Variants in DLG2 observed in about 807,000 individuals in gnomAD.
The protein encoded by DLG2 is disks large homolog 2.
In DLG2, 45 loss-of-function variants were observed where a neutral mutation model predicts 132.5. The observed-to-expected ratio is 0.34, with a 90% confidence interval of 0.27 to 0.44. DLG2 has a LOEUF of 0.44. Among genes scored for constraint, DLG2 ranks in the 20% least tolerant of loss-of-function variants. DLG2 has a pLI of 1.00. For missense variants in DLG2, 1,045 were observed against 1,196.9 expected (o/e 0.87, Z 1.87); for synonymous variants, 424 against 419.6 (o/e 1.01, Z -0.13).
intron 6 of DLG2, among the ~76,000 whole-genome samples, chr11:84,862,673 C>G (rs1358068431): frequency 6.6e-6 from 1 of 151,952 alleles, no homozygotes; most frequent in African/African-American, 2.4e-5. Context: ...TTTGCAGGGA[C>G]CTGGATGAAG....
chr11:85,137,585 C>T (rs1460300253), intron 5 of DLG2, among the ~76,000 whole-genome samples: 1 of 152,104 alleles, frequency 6.6e-6, no homozygotes, highest in African/African-American at 2.4e-5. Flanking sequence ...CTATAAACAA[C>T]CTGTGATCCT....
chr11:85,528,897 C>T (rs1565640123), intron 3 of DLG2, among the ~76,000 whole-genome samples: 1 of 152,136 alleles, frequency 6.6e-6, no homozygotes, highest in Non-Finnish European at 1.5e-5. Context: ...AAGGGAAATA[C>T]AGAGGTGTGC....
chr11:85,194,033 T>C (rs1360986733), intron 4 of DLG2, among the ~76,000 whole-genome samples: 1 of 152,226 alleles, frequency 6.6e-6, no homozygotes, highest in Non-Finnish European at 1.5e-5. Context: ...CAGAATGCAC[T>C]TTAGCAGTGG....
At chr11:84,489,976 G>T (rs2099160578) in intron 7 of DLG2, among the ~76,000 whole-genome samples, 3 of 151,840 alleles carry the variant, frequency 2.0e-5, no homozygotes, top group Admixed American at 2.0e-4. Flanking sequence ...AGTACCAAAA[G>T]AAAAATAGAA....
chr11:84,735,232 C>T (rs1158182495), intron 6 of DLG2, among the ~76,000 whole-genome samples: 1 of 152,084 alleles, frequency 6.6e-6, no homozygotes, highest in Non-Finnish European at 1.5e-5. Flanking sequence ...CCTCCTTGTA[C>T]CTCTGGTAGA....
intron 3 of DLG2, among the ~76,000 whole-genome samples, chr11:85,300,971 C>A (rs138968368): frequency 6.6e-6 from 1 of 151,998 alleles, no homozygotes; most frequent in South Asian, 2.1e-4. Flanking sequence ...TAGGCAGAGG[C>A]GGGAGGATCA....
chr11:84,606,359 G>C (rs2099585680), intron 6 of DLG2, among the ~76,000 whole-genome samples: 1 of 152,000 alleles, frequency 6.6e-6, no homozygotes, highest in Non-Finnish European at 1.5e-5. Flanking sequence ...GTGTGTCACT[G>C]TTATGCAAAA....
chr11:84,883,667 C>T (rs764973747), intron 6 of DLG2, among the ~76,000 whole-genome samples: 1 of 152,042 alleles, frequency 6.6e-6, no homozygotes, highest in Non-Finnish European at 1.5e-5. Flanking sequence ...ACCATCATTG[C>T]TAAAATATTC....
chr11:84,885,945 A>C (rs1428441081), intron 6 of DLG2, among the ~76,000 whole-genome samples: 2 of 152,112 alleles, frequency 1.3e-5, no homozygotes, highest in Admixed American at 1.3e-4. Context: ...TAAGCTCCAC[A>C]AATGTTTATT....
At chr11:85,424,937 T>A (rs551052558) in intron 3 of DLG2, among the ~76,000 whole-genome samples, 4 of 152,296 alleles carry the variant, frequency 2.6e-5, no homozygotes, top group African/African-American at 7.2e-5. Context: ...ACCCTATCTA[T>A]GGTATTCTGT....
chr11:84,033,242 A>C (rs1341886987), intron 11 of DLG2, among the ~76,000 whole-genome samples: 1 of 152,210 alleles, frequency 6.6e-6, no homozygotes, highest in Non-Finnish European at 1.5e-5. Flanking sequence ...TCCAGATGCC[A>C]TTAGGAAGAT....
intron 7 of DLG2, among the ~76,000 whole-genome samples, chr11:84,470,700 T>G (rs970161595): frequency 6.6e-6 from 1 of 151,724 alleles, no homozygotes; most frequent in Non-Finnish European, 1.5e-5. Context: ...AATAAATGCT[T>G]GCAGACTGAA....
chr11:84,728,391 T>A (rs1565800630), intron 6 of DLG2, among the ~76,000 whole-genome samples: 1 of 152,144 alleles, frequency 6.6e-6, no homozygotes, highest in Non-Finnish European at 1.5e-5. Context: ...ATGGATTATG[T>A]TTATTGAAAG....
At chr11:84,586,155 A>AG (rs2099529286) in intron 6 of DLG2, among the ~76,000 whole-genome samples, 1 of 136,712 alleles carries the variant, frequency 7.3e-6, no homozygotes, top group South Asian at 2.5e-4. Flanking sequence ...TGACTCAAAA[A>AG]AAAAAAAAAA....
intron 9 of DLG2, among the ~76,000 whole-genome samples, chr11:84,154,078 G>A (rs868233475): frequency 1.3e-5 from 2 of 152,076 alleles, no homozygotes; most frequent in Non-Finnish European, 2.9e-5. Flanking sequence ...GCTCACTGCA[G>A]CCTCTGCCTC....
chr11:84,631,789 ATAG>A (rs1239343348), intron 6 of DLG2, among the ~76,000 whole-genome samples: 1 of 152,200 alleles, frequency 6.6e-6, no homozygotes, highest in Non-Finnish European at 1.5e-5. Context: ...GTAACATGAA[ATAG>A]TAGAAAAAAT....
intron 4 of DLG2, among the ~76,000 whole-genome samples, chr11:85,216,260 C>A (rs777020602): frequency 5.3e-5 from 8 of 152,122 alleles, no homozygotes; most frequent in Non-Finnish European, 1.2e-4. Context: ...ATACAAATAG[C>A]CAGTCTTGAC....
rs11338428 is a variant in DLG2, at chr11:84,174,014, C to CTTTTTTTTTTTT, written c.574-10515_574-10504dup. Among the ~76,000 whole-genome samples the CTTTTTTTTTTTT allele has an allele frequency of 1.6e-3, 95 of 61,204 alleles. 9 individuals are homozygous for CTTTTTTTTTTTT. The highest frequency in any genetic ancestry group is 2.2e-3 in the South Asian group (3 of 1,346). 40.2% of individuals were successfully genotyped at this position (61,204 alleles called of 152,430 possible). A position where few individuals can be genotyped will look rare whatever the true frequency, so the allele number is the denominator to read the frequency against. ...CTGAGTTTTGACTTCACCCCCCGGC[C>CTTTTTTTTTTTT]TTTTTTTTTTTTTTTTTTTTTTCTG... On this transcript the variant is annotated intron_variant, in intron 8 of 27. Coordinates refer to ENST00000376104, the MANE Select transcript of DLG2 (RefSeq NM_001142699.3).
chr11:85,221,708 T>A (rs1486161083), intron 4 of DLG2, among the ~76,000 whole-genome samples: 1 of 152,168 alleles, frequency 6.6e-6, no homozygotes, highest in African/African-American at 2.4e-5. Flanking sequence ...ATGATCTTTA[T>A]TTTGCAGTTG....
Sources: gnomAD v4.1 joint callset for allele counts (sites outside exome capture counted in the v4.1 genomes callset) on GRCh38, gnomAD v4.1.1 for gene constraint, MANE v1.5 for transcripts, NCBI Gene and HGNC (gene_info 2026-07-23, HGNC 2026-07-21) for gene names.